The following MYO18B variants were observed in gnomAD, a reference collection of about 807,000 sequenced individuals.
MYO18B encodes myosin XVIIIB.
A neutral mutation model predicts 273.0 loss-of-function variants in MYO18B; 204 were observed. That is an observed-to-expected ratio of 0.75 (90% CI 0.67 to 0.84). The LOEUF (loss-of-function observed/expected upper bound fraction) is 0.84. MYO18B is among the 40% of genes least tolerant of loss of function. The pLI is 0.00. For missense variants in MYO18B, 3,212 were observed against 3,287.6 expected (o/e 0.98, Z 0.56); for synonymous variants, 1,330 against 1,305.7 (o/e 1.02, Z -0.40).
At chr22:25,849,845 A>C (rs1467830590) in intron 20 of MYO18B, among the ~76,000 whole-genome samples, 1 of 152,232 alleles carries the variant, frequency 6.6e-6, no homozygotes, top group East Asian at 1.9e-4. Context: ...GTTGTGGAAG[A>C]ACACATAATA....
chr22:25,768,557 A>G lies in MYO18B; in HGVS notation c.641A>G (p.Glu214Gly). 1 of 1,541,466 alleles carries G rather than the reference A, an allele frequency of 6.5e-7. No individual in the cohort carries two copies. Among genetic ancestry groups the G allele is most frequent in the Non-Finnish European group, 8.7e-7 (1 of 1,147,988 alleles). The change falls in exon 4 of 44, where the codon GAG (glutamate) becomes GGG (glycine). Residue 214 changes from glutamate (E) to glycine (G), a missense_variant. Transcript: ENST00000335473. ...ASTEILAPKA[E>G]KTRTGGLGDP... ...ACCGAGATCTTGGCCCCGAAAGCTG[A>G]GAAGACCCGGACTGGGGGTCTTGGG...
chr22:26,061,626 T>G, the MYO18B span, among the ~76,000 whole-genome samples: 4 of 151,768 alleles, frequency 2.6e-5, no homozygotes, highest in Non-Finnish European at 5.9e-5. Context: ...TGTGTCCCTA[T>G]TGCCGAGAAA....
chr22:25,780,590 C>CAAAAAAAAAAAAAAAA (rs59082074), intron 9 of MYO18B, among the ~76,000 whole-genome samples: 4 of 65,206 alleles, frequency 6.1e-5, no homozygotes, highest in South Asian at 7.4e-4. Flanking sequence ...AACTCCATCT[C>CAAAAAAAAAAAAAAAA]AAAAAAAAAA....
At chr22:25,932,406 TCTTTC>T (rs1161771730) in intron 34 of MYO18B, among the ~76,000 whole-genome samples, 35,622 of 143,306 alleles carry the variant, frequency 0.25, 4,843 homozygotes, top group Middle Eastern at 0.34. Flanking sequence ...TTTTTTCTTT[TCTTTC>T]TTTTTTTTTT....
chr22:25,782,566 T>C (rs1248901448), intron 10 of MYO18B, among the ~76,000 whole-genome samples: 1 of 152,212 alleles, frequency 6.6e-6, no homozygotes, highest in African/African-American at 2.4e-5. Context: ...CCCAGAGCCT[T>C]GGTTTCCTCC....
intron 34 of MYO18B, among the ~76,000 whole-genome samples, chr22:25,945,422 C>G (rs2092692610): frequency 6.6e-6 from 1 of 152,042 alleles, no homozygotes; most frequent in African/African-American, 2.4e-5. Context: ...ATGTCCAGTG[C>G]CTGGCACTGA....
At chr22:25,854,399 A>C (rs910992621) in intron 21 of MYO18B, among the ~76,000 whole-genome samples, 1 of 152,194 alleles carries the variant, frequency 6.6e-6, no homozygotes, top group African/African-American at 2.4e-5. Flanking sequence ...CTCATTTCAC[A>C]GCGTAGGCAG....
intron 39 of MYO18B, among the ~76,000 whole-genome samples, chr22:25,984,978 G>A (rs1030992922): frequency 1.3e-5 from 2 of 152,156 alleles, no homozygotes; most frequent in Non-Finnish European, 2.9e-5. Flanking sequence ...GTGAAGAAAA[G>A]GACAGGAGGT....
At chr22:26,056,653 C>T in the MYO18B span, among the ~76,000 whole-genome samples, 1 of 152,234 alleles carries the variant, frequency 6.6e-6, no homozygotes, top group Admixed American at 6.5e-5. Flanking sequence ...ACAACATCCA[C>T]TCCTACTCAG....
chr22:25,796,817 C>A (rs967135639), intron 11 of MYO18B, among the ~76,000 whole-genome samples: 2 of 152,228 alleles, frequency 1.3e-5, no homozygotes, highest in African/African-American at 4.8e-5. Flanking sequence ...ATTTACCAAT[C>A]ATGACTGGAG....
At chr22:25,904,015 T>C (rs886119966) in intron 31 of MYO18B, among the ~76,000 whole-genome samples, 184 bp downstream of exon 31, 2 of 152,204 alleles carry the variant, frequency 1.3e-5, no homozygotes, top group African/African-American at 4.8e-5. Context: ...AGCTCTCCCC[T>C]GCAAGGTTCA....
chr22:25,743,808 T>C (rs1373787850), intron 1 of MYO18B, among the ~76,000 whole-genome samples: 1 of 152,204 alleles, frequency 6.6e-6, no homozygotes, highest in East Asian at 1.9e-4. Flanking sequence ...CTGAGGGGGT[T>C]GGGCTAGACC....
chr22:25,914,162 C>G (rs931789709), intron 33 of MYO18B, among the ~76,000 whole-genome samples: 1 of 151,922 alleles, frequency 6.6e-6, no homozygotes, highest in African/African-American at 2.4e-5. Flanking sequence ...GTCTATTTCT[C>G]CACCATATGG....
intron 34 of MYO18B, among the ~76,000 whole-genome samples, chr22:25,941,124 G>A (rs1280133024): frequency 6.6e-6 from 1 of 152,190 alleles, no homozygotes; most frequent in African/African-American, 2.4e-5. Flanking sequence ...AAAATTGGAA[G>A]AGAAACAAAA....
intron 42 of MYO18B, among the ~76,000 whole-genome samples, chr22:26,007,130 G>A (rs1254900687): frequency 6.6e-6 from 1 of 152,190 alleles, no homozygotes; most frequent in East Asian, 1.9e-4. Context: ...CAGGGAGGGG[G>A]CAGGAGGCAA....
intron 12 of MYO18B, among the ~76,000 whole-genome samples, chr22:25,812,045 G>A (rs1443673603): frequency 6.6e-6 from 1 of 152,184 alleles, no homozygotes; most frequent in Non-Finnish European, 1.5e-5. Flanking sequence ...GAGAGGTGCA[G>A]CCACTAATTC....
rs557967163 is a variant in MYO18B, at chr22:25,883,948, G to A, written c.4314+5900G>A. 3.3e-5 allele frequency among the ~76,000 whole-genome samples: 5 copies of A among 152,164 alleles called. No homozygotes were observed. In the East Asian group the frequency reaches 9.7e-4, roughly 29 times the overall value. On this transcript the variant is annotated intron_variant, in intron 25 of 43. Coordinates refer to ENST00000335473, the MANE Select transcript of MYO18B (RefSeq NM_032608.7). The surrounding 1 kb of genome is among the most constrained non-coding windows in gnomAD (Gnocchi z 7.6). Reference sequence around the variant, plus strand: ...TTATTTTCATAAGAAGGCAGTGCTGGCCTTCTTGTTGGAAGCACCTGTAAG... The same window carrying A: ...TTATTTTCATAAGAAGGCAGTGCTGACCTTCTTGTTGGAAGCACCTGTAAG...
At chr22:25,927,635 C>T (rs1458090896) in intron 34 of MYO18B, among the ~76,000 whole-genome samples, 2 of 152,138 alleles carry the variant, frequency 1.3e-5, no homozygotes, top group Non-Finnish European at 2.9e-5. Context: ...TTGTAAAGTA[C>T]TTGACATCTG....
In MYO18B at chr22:25,962,062, G is replaced by A. The variant is rs1000881241; in HGVS notation, c.6156+6698G>A. Among the ~76,000 whole-genome samples the A allele has an allele frequency of 8.5e-5, 13 of 152,224 alleles. No individual in the cohort carries two copies. In the East Asian group the frequency reaches 1.7e-3, roughly 20 times the overall value. ...CACTTCTTGTGCAGCCTGCAGAACCGTGAGCCAAGTAAACCTCTTTTCTTT... is the reference window on the plus strand; with the variant it reads ...CACTTCTTGTGCAGCCTGCAGAACCATGAGCCAAGTAAACCTCTTTTCTTT... On this transcript the variant is annotated intron_variant, in intron 39 of 43. Transcript: ENST00000335473.
Sources: gnomAD v4.1 joint callset for allele counts (sites outside exome capture counted in the v4.1 genomes callset) on GRCh38, gnomAD v4.1.1 for gene constraint, Gnocchi (gnomAD v3.1) non-coding constraint, MANE v1.5 for transcripts, NCBI Gene and HGNC (gene_info 2026-07-23, HGNC 2026-07-21) for gene names.